TIMELESS: variants seen among roughly 807,000 people sequenced by gnomAD.
TIMELESS encodes the protein protein timeless homolog.
TIMELESS carries 124 observed loss-of-function variants against 164.3 expected under a neutral mutation model. That is an observed-to-expected ratio of 0.75 (90% CI 0.65 to 0.88). The LOEUF (loss-of-function observed/expected upper bound fraction) is 0.88, where lower values mean the gene tolerates loss of function less well. Ranked by LOEUF, TIMELESS falls within the 40% of genes least tolerant of loss-of-function variation. The pLI, the probability that TIMELESS is intolerant of heterozygous loss-of-function variation, is 0.00. For synonymous variants in TIMELESS, 564 were observed against 563.4 expected, an observed-to-expected ratio of 1.00 and a Z score of -0.02; for missense variants, 1,422 against 1,491.4, an observed-to-expected ratio of 0.95 and a Z score of 0.77.
Position 56,430,285 on chromosome 12 carries a change from G to A in TIMELESS, c.910-4C>T, listed in dbSNP as rs1367639873. 1 of 1,610,984 alleles carries A rather than the reference G, an allele frequency of 6.2e-7. No homozygotes were observed. The highest frequency in any genetic ancestry group is 1.3e-5 in the African/African-American group (1 of 74,896). On this transcript the variant is annotated splice_region_variant and splice_polypyrimidine_tract_variant and intron_variant, in intron 9 of 28. Coordinates refer to ENST00000553532, the MANE Select transcript of TIMELESS (RefSeq NM_003920.5). The stretch of plus-strand genomic sequence containing the variant: ...AATCTGAACTGTAGTTTCGTAGCTG[G>A]GTGTGTCGGTTGGGGGATTAGAATT...
chr12:56,433,690 C>A (rs777274224), intron 3 of TIMELESS, 38 bp from the exon 4 acceptor site: 1 of 1,613,808 alleles, frequency 6.2e-7, no homozygotes, highest in Admixed American at 1.7e-5. Flanking sequence ...TGTTAAGTTT[C>A]TTTACCAGCT....
chr12:56,444,414 C>T (rs1028095936), intron 1 of TIMELESS, among the ~76,000 whole-genome samples: 1 of 152,194 alleles, frequency 6.6e-6, no homozygotes, highest in Non-Finnish European at 1.5e-5. Flanking sequence ...AACACCCACC[C>T]TTAGTTCTTT....
In TIMELESS at chr12:56,421,901, T is replaced by C. The variant is rs752567248; in HGVS notation, c.2640A>G (p.Gln880=). Residue 880 remains glutamine (Q), a splice_region_variant and synonymous_variant, in exon 21 of 29, where the codon CAA becomes CAG. Coordinates refer to ENST00000553532, the MANE Select transcript of TIMELESS (RefSeq NM_003920.5). Reference sequence around the variant, plus strand: ...CTCCAGAGCATGTGCCTCTCTACCTTTGGAAGTCCTTGACACTGTCAGCCA... The same window carrying C: ...CTCCAGAGCATGTGCCTCTCTACCTCTGGAAGTCCTTGACACTGTCAGCCA... The part of the protein sequence containing the change: ...MGLADSVKDF[Q]RKGTHIVLWT... The C allele has an allele frequency of 2.6e-5, 42 of 1,613,922 alleles. No homozygotes were observed. Among genetic ancestry groups the C allele is most frequent in the Middle Eastern group, 1.6e-4 (1 of 6,082 alleles).
intron 1 of TIMELESS, among the ~76,000 whole-genome samples, chr12:56,443,620 G>A (rs573726147): frequency 9.0e-4 from 137 of 151,970 alleles, no homozygotes; most frequent in African/African-American, 2.3e-3. Context: ...CTCCCTATTC[G>A]TACCCCCCTC....
rs202063543 is a variant in TIMELESS, at chr12:56,421,740, G to T, written c.2712C>A (p.Phe904Leu). ...ELELQRLFEEFRDSDDVLGHI... is the reference protein window; with the variant it reads ...ELELQRLFEELRDSDDVLGHI... ...CAGCTTACTCACCATCTGAGTCCCG[G>T]AATTCCTCAAAAAGCCGCTGCAGCT... Residue 904 changes from phenylalanine (F) to leucine (L), a missense_variant, in exon 22 of 29, where the codon TTC becomes TTA. Physicochemically the swap from Phe to Leu is conservative, Grantham distance 22. Transcript: ENST00000553532. 1 of 1,614,088 alleles carries T rather than the reference G, an allele frequency of 6.2e-7. No individual in the cohort carries two copies. Among genetic ancestry groups the T allele is most frequent in the African/African-American group, 1.3e-5 (1 of 75,002 alleles).
chr12:56,430,832 A>T, intron 9 of TIMELESS, 49 bp downstream of exon 9: 1 of 1,291,672 alleles, frequency 7.7e-7, no homozygotes, highest in Non-Finnish European at 1.1e-6. Context: ...TACCCTGCTT[A>T]AGCTATGCAA....
chr12:56,420,919 C>A, intron 24 of TIMELESS, 38 bp from the exon 25 acceptor site: 2 of 1,614,116 alleles, frequency 1.2e-6, no homozygotes, highest in Non-Finnish European at 1.7e-6. Context: ...GACCCTACTC[C>A]CAAGCCCTCC....
At chr12:56,420,938 C>T (rs747981910) in intron 24 of TIMELESS, 25 bp downstream of exon 24, 4 of 1,613,956 alleles carry the variant, frequency 2.5e-6, no homozygotes, top group Non-Finnish European at 3.4e-6. Flanking sequence ...CCACCTGAGA[C>T]ATCTCTCCCA....
Position 56,434,101 on chromosome 12 carries a change from T to C in TIMELESS, c.70A>G (p.Thr24Ala). 6.2e-7 allele frequency: 1 copy of C among 1,614,216 alleles called. No homozygotes were observed. Among genetic ancestry groups the C allele is most frequent in the South Asian group, 1.1e-5 (1 of 91,090 alleles). ...CSALGYLEGD[T>A]YHKEPDCLES... ...AAGCAATCTGGTTCCTTATGGTAAG[T>C]GTCTCCCTCCAAGTACCCAAGGGCA... Residue 24 changes from threonine to alanine, a missense_variant, in exon 2 of 29, where the codon ACT becomes GCT. Physicochemically the swap from Thr to Ala is moderately conservative, Grantham distance 58 (BLOSUM62 0). Transcript: ENST00000553532.
At chr12:56,424,604 A>G (rs1399087482) in intron 15 of TIMELESS, among the ~76,000 whole-genome samples, 158 bp downstream of exon 15, 1 of 152,198 alleles carries the variant, frequency 6.6e-6, no homozygotes, top group Non-Finnish European at 1.5e-5. Context: ...GAAACAAAAA[A>G]ACCCAACAAA....
chr12:56,421,020 C>G lies in TIMELESS; in HGVS notation c.2983G>C (p.Val995Leu), dbSNP rs749613740. ...EEEGGSEAEQ[V>L]QGSLVLSNEN... ...TTTGAAAGGACTAAGCTACCCTGGA[C>G]TTGTTCTGCTTCTGAGCCCCCTTCT... Residue 995 changes from valine to leucine, a missense_variant, in exon 24 of 29, where the codon GTC (valine) becomes CTC (leucine). By Grantham distance (32) the Val-to-Leu change is conservative. Coordinates refer to ENST00000553532, the MANE Select transcript of TIMELESS (RefSeq NM_003920.5). 3.7e-6 allele frequency: 6 copies of G among 1,614,110 alleles called. No homozygotes were observed. The highest frequency in any genetic ancestry group is 4.2e-6 in the Non-Finnish European group (5 of 1,180,050).
intron 1 of TIMELESS, among the ~76,000 whole-genome samples, chr12:56,436,551 C>T (rs1375499245): frequency 6.6e-6 from 1 of 152,122 alleles, no homozygotes; most frequent in Non-Finnish European, 1.5e-5. Flanking sequence ...TGCTAACCAT[C>T]GTGTGATTGA....
intron 1 of TIMELESS, among the ~76,000 whole-genome samples, chr12:56,436,726 AT>A (rs1177977152): frequency 6.6e-6 from 1 of 152,084 alleles, no homozygotes; most frequent in Non-Finnish European, 1.5e-5. Context: ...CATTATCCTT[AT>A]TTTTCTCATT....
At chr12:56,442,083 C>A (rs367614340) in intron 1 of TIMELESS, among the ~76,000 whole-genome samples, 992 of 94,278 alleles carry the variant, frequency 0.011, no homozygotes, top group East Asian at 0.016. Context: ...GACTCCGTCT[C>A]AAAAAAAAAA....
chr12:56,436,962 G>A (rs960653442), intron 1 of TIMELESS, among the ~76,000 whole-genome samples: 2 of 149,694 alleles, frequency 1.3e-5, no homozygotes, highest in Admixed American at 6.7e-5. Flanking sequence ...AGAGTCTCAC[G>A]CTCTGTTGCC....
At chr12:56,427,925 A>G (rs192879594) in intron 13 of TIMELESS, among the ~76,000 whole-genome samples, 48 of 152,378 alleles carry the variant, frequency 3.2e-4, no homozygotes, top group African/African-American at 1.1e-3. Flanking sequence ...AGGTATAACC[A>G]GAAAATGCTA....
chr12:56,429,811 G>A (rs1001801854), intron 10 of TIMELESS, among the ~76,000 whole-genome samples: 6 of 151,312 alleles, frequency 4.0e-5, no homozygotes, highest in South Asian at 4.2e-4. Flanking sequence ...CCACCACGCC[G>A]GGACACCGCT....
Position 56,430,908 on chromosome 12 carries a change from G to A in TIMELESS, c.882C>T (p.Asp294=). The change falls in exon 9 of 29, where the codon GAC becomes GAT. Residue 294 remains aspartate, a synonymous_variant. Coordinates refer to ENST00000553532, the MANE Select transcript of TIMELESS (RefSeq NM_003920.5). ...TGTGAAGGCCTTTGTGAAAGATGAG[G>A]TCCCTCTCCCCAATGGATTTCAACC... ...VQGLKSIGER[D]LIFHKGLHNL... 1.9e-6 allele frequency: 3 copies of A among 1,604,226 alleles called. No individual in the cohort carries two copies. The highest frequency in any genetic ancestry group is 1.1e-5 in the South Asian group (1 of 89,554).
intron 1 of TIMELESS, among the ~76,000 whole-genome samples, chr12:56,442,270 G>A (rs1016579847): frequency 2.0e-5 from 3 of 152,144 alleles, no homozygotes; most frequent in African/African-American, 7.2e-5. Flanking sequence ...TTAGAACTGG[G>A]CCTTTGAAAG....
Sources: allele counts gnomAD v4.1 joint callset (sites outside exome capture counted in the v4.1 genomes callset), GRCh38; gene constraint gnomAD v4.1.1; transcripts MANE v1.5; gene names NCBI Gene and HGNC (gene_info 2026-07-23, HGNC 2026-07-21).